The following FLG2 variants were observed in gnomAD, a reference collection of about 807,000 sequenced individuals.
FLG2 encodes the protein filaggrin 2, also known as filaggrin-2.
FLG2 carries 7 observed loss-of-function variants against 3.9 expected under a neutral mutation model. That is an observed-to-expected ratio of 1.79 (90% CI 1.02 to 3.36). FLG2 has a LOEUF of 3.36. Among genes scored for constraint, FLG2 ranks in the 30% most tolerant of loss-of-function variants. FLG2 has a pLI of 0.00. For synonymous variants in FLG2, 1,031 were observed against 1,056.1 expected (o/e 0.98, Z 0.46); for missense variants, 2,700 against 2,809.4 (o/e 0.96, Z 0.88).
intron 1 of FLG2, among the ~76,000 whole-genome samples, 151 bp from the exon 2 acceptor site, chr1:152,359,057 T>A (rs2275264): frequency 6.6e-6 from 1 of 152,014 alleles, no homozygotes; most frequent in Admixed American, 6.6e-5. Context: ...CAACCCCGTT[T>A]AACACAATGA....
chr1:152,350,459 A>T lies in FLG2; in HGVS notation c.*151T>A. The T allele has an allele frequency of 9.9e-7, 1 of 1,011,078 alleles. No homozygotes were observed. The highest frequency in any genetic ancestry group is 1.4e-6 in the Non-Finnish European group (1 of 709,886). The allele number at this position is 1,011,078 out of a possible 1,614,324, so 62.6% of individuals were successfully genotyped here. ...GTTACTATAGAATGTCCATGACTAG[A>T]TTCCTGACTTCTTATAATAATAGGT... On this transcript the variant is annotated 3_prime_UTR_variant, in exon 3 of 3. Transcript: ENST00000388718.
At chr1:152,358,679 G>T (rs1051823197) in intron 2 of FLG2, 68 bp downstream of exon 2, 3 of 1,527,894 alleles carry the variant, frequency 2.0e-6, no homozygotes, top group Non-Finnish European at 2.6e-6. Context: ...CTTTTTAGCT[G>T]ATCTGGGTCA....
intron 2 of FLG2, 139 bp from the exon 3 acceptor site, chr1:152,357,786 T>C: frequency 1.6e-6 from 1 of 635,834 alleles, no homozygotes; most frequent in Non-Finnish European, 2.7e-6. Context: ...TTTAGGTTAA[T>C]AGAACCCAGT....
Position 152,350,611 on chromosome 1 carries a change from C to G in FLG2, c.7175G>C (p.Ter2392SerextTer172), listed in dbSNP as rs150529054. 3.0e-4 allele frequency: 476 copies of G among 1,610,192 alleles called. No homozygotes were observed. In the African/African-American group the frequency reaches 5.5e-3, roughly 19 times the overall value. The stretch of plus-strand genomic sequence containing the variant: ...AAGGTCAGAACTAGAAAATAACTGT[C>G]AATGTCTAGACAGTTGCTTGTTTGC... ...STANKQLSRH[*>S] The change falls in exon 3 of 3, where the codon TGA becomes TCA. Residue 2392 changes from the stop codon to serine (S), a stop_lost. Transcript: ENST00000388718.
In FLG2 at chr1:152,357,016, C is replaced by A; in HGVS notation, c.770G>T (p.Arg257Ile). The change falls in exon 3 of 3, where the codon AGA (arginine) becomes ATA (isoleucine). Residue 257 changes from arginine (R) to isoleucine (I), a missense_variant. By Grantham distance (97) the Arg-to-Ile change is moderately conservative. Coordinates refer to ENST00000388718, the MANE Select transcript of FLG2 (RefSeq NM_001014342.3). ...SGHESNSTQSRIREQKLGSSC... is the reference protein window; with the variant it reads ...SGHESNSTQSIIREQKLGSSC... ...AGACCCAAGCTTTTGTTCTCTAATT[C>A]TTGACTGAGTAGAGTTTGATTCATG... is the stretch of plus-strand genomic sequence containing the variant. 2 of 1,614,226 alleles carry A rather than the reference C, an allele frequency of 1.2e-6. No individual in the cohort carries two copies. Among genetic ancestry groups the A allele is most frequent in the Non-Finnish European group, 1.7e-6 (2 of 1,180,044 alleles).
chr1:152,358,025 CTT>C (rs5777805), intron 2 of FLG2, among the ~76,000 whole-genome samples: 8,438 of 144,500 alleles, frequency 0.058, 785 homozygotes, highest in African/African-American at 0.2. Context: ...ATAACTGAGT[CTT>C]TTTTTTTTTT....
At position 152,357,064 on chromosome 1, in the gene FLG2, G is replaced by C; in HGVS notation, c.722C>G (p.Ser241Ter). Residue 241 changes from serine (S) to a stop codon, truncating the protein, a stop_gained, in exon 3 of 3, where the codon TCA (serine) becomes TGA (stop). Coordinates refer to ENST00000388718, the MANE Select transcript of FLG2 (RefSeq NM_001014342.3). LOFTEE classifies it low-confidence loss of function (END_TRUNC). Reference protein sequence around the residue: ...SWERKGHGGLSCGLETSGHES... With the variant: ...SWERKGHGGL ...ATGCCCACTAGTCTCCAATCCACAT[G>C]ACAGACCACCATGACCTTTCCTTTC... 1 of 1,614,146 alleles carries C rather than the reference G, an allele frequency of 6.2e-7. No homozygotes were observed. The highest frequency in any genetic ancestry group is 8.5e-7 in the Non-Finnish European group (1 of 1,180,022).
rs1226759263 is a variant in FLG2, at chr1:152,356,778, A to T, written c.1008T>A (p.Ser336=). The part of the protein sequence containing the change: ...GHGCVSGGQP[S]GCGQPESNPC... The stretch of plus-strand genomic sequence containing the variant: ...GGTTAGACTCAGGTTGACCACATCC[A>T]GAGGGCTGACCTCCTGAGACACAGC... The change falls in exon 3 of 3, where the codon TCT becomes TCA. Residue 336 remains serine, a synonymous_variant. Coordinates refer to ENST00000388718, the MANE Select transcript of FLG2 (RefSeq NM_001014342.3). 1.2e-6 allele frequency: 2 copies of T among 1,613,956 alleles called. No homozygotes were observed. The highest frequency in any genetic ancestry group is 2.7e-5 in the African/African-American group (2 of 74,926).
In FLG2 at chr1:152,349,068, A is replaced by G. The variant is rs1031752416; in HGVS notation, c.*1542T>C. 6.6e-6 allele frequency: 1 copy of G among 152,166 alleles called. No individual in the cohort carries two copies. The highest frequency in any genetic ancestry group is 2.4e-5 in the African/African-American group (1 of 41,436). 9.4% of individuals were successfully genotyped at this position (152,166 alleles called of 1,614,324 possible). On this transcript the variant is annotated 3_prime_UTR_variant, in exon 3 of 3. Coordinates refer to ENST00000388718, the MANE Select transcript of FLG2 (RefSeq NM_001014342.3). ...TTTTTAAAACCTAATTTTATTCCCA[A>G]CCACACAAATCTCTCTTTATTATAT...
rs372399029 is a variant in FLG2, at chr1:152,356,502, G to T, written c.1284C>A (p.Ser428Arg). ...TCAAGCCTGTTCCATGTTGTTCAAA[G>T]CTAGTAGACTGACTTGAACCAGACC... ...QYGSGSSQST[S>R]FEQHGTGLSQ... is the part of the protein sequence containing the mutation. Residue 428 changes from serine (S) to arginine (R), a missense_variant, in exon 3 of 3, where the codon AGC (serine) becomes AGA (arginine). Physicochemically the swap from Ser to Arg is moderately radical, Grantham distance 110 (BLOSUM62 -1). Transcript: ENST00000388718. The T allele has an allele frequency of 6.2e-6, 10 of 1,614,116 alleles. No homozygotes were observed. Among genetic ancestry groups the T allele is most frequent in the East Asian group, 2.2e-5 (1 of 44,902 alleles).
Position 152,357,113 on chromosome 1 carries a change from A to G in FLG2, c.673T>C (p.Ser225Pro). Residue 225 changes from serine (S) to proline (P), a missense_variant, in exon 3 of 3, where the codon TCT becomes CCT. Ser to Pro is a moderately conservative substitution (Grantham distance 74, BLOSUM62 -1). Coordinates refer to ENST00000388718, the MANE Select transcript of FLG2 (RefSeq NM_001014342.3). Reference protein sequence around the residue: ...PSRESGEEYESGSGSNSWERK... With the variant: ...PSRESGEEYEPGSGSNSWERK... The stretch of plus-strand genomic sequence containing the variant: ...TCCCAACTGTTTGATCCAGATCCAG[A>G]TTCATACTCCTCCCCAGATTCCCTA... The G allele has an allele frequency of 6.2e-7, 1 of 1,614,108 alleles. No homozygotes were observed.
Position 152,354,252 on chromosome 1 carries a change from A to T in FLG2, c.3534T>A (p.Ser1178Arg). Residue 1178 changes from serine (S) to arginine (R), a missense_variant, in exon 3 of 3, where the codon AGT (serine) becomes AGA (arginine). Physicochemically the swap from Ser to Arg is moderately radical, Grantham distance 110 (BLOSUM62 -1). Coordinates refer to ENST00000388718, the MANE Select transcript of FLG2 (RefSeq NM_001014342.3). ...CTGAGCCAGACACATGCTGTCCAAA[A>T]CTTGTGGTTGGACCTGAGCCAGACT... ...QHESGSGPTT[S>R]FGQHVSGSDN... is the part of the protein sequence containing the mutation. 1 of 1,613,944 alleles carries T rather than the reference A, an allele frequency of 6.2e-7. No homozygotes were observed. The highest frequency in any genetic ancestry group is 8.5e-7 in the Non-Finnish European group (1 of 1,179,910).
Position 152,356,645 on chromosome 1 carries a change from C to T in FLG2, c.1141G>A (p.Gly381Arg), listed in dbSNP as rs764358914. ...TGGCTACCTCCAGACCCATATTGTC[C>T]ACAGCAAGAGGACTGACTTGAGCCT... ...RTGSSQSSCC[G>R]QYGSGGSQSC... is the part of the protein sequence containing the mutation. Residue 381 changes from glycine to arginine, a missense_variant, in exon 3 of 3, where the codon GGA becomes AGA. By Grantham distance (125) the Gly-to-Arg change is moderately radical (BLOSUM62 -2). Transcript: ENST00000388718. 3 of 1,614,092 alleles carry T rather than the reference C, an allele frequency of 1.9e-6. No individual in the cohort carries two copies. The Admixed American group carries it at 5.0e-5, about 27-fold the overall frequency.
At position 152,353,111 on chromosome 1, in the gene FLG2, C is replaced by T. The variant is rs267598034; in HGVS notation, c.4675G>A (p.Glu1559Lys). 1 of 1,613,650 alleles carries T rather than the reference C, an allele frequency of 6.2e-7. No individual in the cohort carries two copies. The highest frequency in any genetic ancestry group is 8.5e-7 in the Non-Finnish European group (1 of 1,179,944). Reference sequence around the variant, plus strand: ...CTGGACCCTGTCTGTGTGGTTTGTTCATGACCAGAGTAGGAATGTCTAGTG... The same window carrying T: ...CTGGACCCTGTCTGTGTGGTTTGTTTATGACCAGAGTAGGAATGTCTAGTG... ...DTTRHSYSGH[E>K]QTTQTGSRTT... The change falls in exon 3 of 3, where the codon GAA becomes AAA. Residue 1559 changes from glutamate to lysine, a missense_variant. By Grantham distance (56) the Glu-to-Lys change is moderately conservative. Transcript: ENST00000388718.
chr1:152,351,635 G>A lies in FLG2; in HGVS notation c.6151C>T (p.His2051Tyr), dbSNP rs573208164. ...GVSHTHSGHA[H>Y]GQAGSQHGES... ...CCATGTTGAGATCCGGCTTGGCCAT[G>A]AGCGTGTCCTGAATGTGTGTGTGAG... Residue 2051 changes from histidine (H) to tyrosine (Y), a missense_variant, in exon 3 of 3, where the codon CAT becomes TAT. Transcript: ENST00000388718. The A allele has an allele frequency of 5.6e-6, 9 of 1,603,490 alleles. No homozygotes were observed. The East Asian group carries it at 6.8e-5, about 12-fold the overall frequency.
chr1:152,355,424 A>C lies in FLG2; in HGVS notation c.2362T>G (p.Ser788Ala). ...SQSSGYGQHG[S>A]RQTSGFGQHG... is the part of the protein sequence containing the mutation. ...TGTCCAAAGCCAGATGTCTGTCTAG[A>C]CCCATGTTGGCCATAGCCAGATGAC... is the stretch of plus-strand genomic sequence containing the variant. The change falls in exon 3 of 3, where the codon TCT becomes GCT. Residue 788 changes from serine (S) to alanine (A), a missense_variant. Physicochemically the swap from Ser to Ala is moderately conservative, Grantham distance 99. Coordinates refer to ENST00000388718, the MANE Select transcript of FLG2 (RefSeq NM_001014342.3). 1 of 1,612,886 alleles carries C rather than the reference A, an allele frequency of 6.2e-7. No homozygotes were observed. The highest frequency in any genetic ancestry group is 8.5e-7 in the Non-Finnish European group (1 of 1,179,780).
Position 152,356,929 on chromosome 1 carries a change from C to A in FLG2, c.857G>T (p.Ser286Ile). Residue 286 changes from serine to isoleucine, a missense_variant, in exon 3 of 3, where the codon AGT becomes ATT. By Grantham distance (142) the Ser-to-Ile change is moderately radical (BLOSUM62 -2). Transcript: ENST00000388718. ...AGCATTTTGTGGCCTTCCACACCCACTTGAATTGCTATAACCACATGCATG... is the reference window on the plus strand; with the variant it reads ...AGCATTTTGTGGCCTTCCACACCCAATTGAATTGCTATAACCACATGCATG... ...RSHACGYSNS[S>I]GCGRPQNASS... The A allele has an allele frequency of 1.2e-6, 2 of 1,614,238 alleles. No individual in the cohort carries two copies. Among genetic ancestry groups the A allele is most frequent in the Admixed American group, 1.7e-5 (1 of 60,016 alleles).
chr1:152,356,839 C>A lies in FLG2; in HGVS notation c.947G>T (p.Gly316Val), dbSNP rs147213340. The A allele has an allele frequency of 5.0e-6, 8 of 1,614,208 alleles. No homozygotes were observed. Among genetic ancestry groups the A allele is most frequent in the Non-Finnish European group, 6.8e-6 (8 of 1,180,032 alleles). ...TCCTCCCTTAATTCCTGACTGACAGCCTGACTGAATATAGCTAAATTGATT... is the reference window on the plus strand; with the variant it reads ...TCCTCCCTTAATTCCTGACTGACAGACTGACTGAATATAGCTAAATTGATT... ...QGNQFSYIQS[G>V]CQSGIKGGQG... Residue 316 changes from glycine (G) to valine (V), a missense_variant, in exon 3 of 3, where the codon GGC becomes GTC. Physicochemically the swap from Gly to Val is moderately radical, Grantham distance 109. Coordinates refer to ENST00000388718, the MANE Select transcript of FLG2 (RefSeq NM_001014342.3).
In FLG2 at chr1:152,352,600, C is replaced by T. The variant is rs77156082; in HGVS notation, c.5186G>A (p.Ser1729Asn). The T allele has an allele frequency of 6.2e-7, 1 of 1,614,022 alleles. No homozygotes were observed. Among genetic ancestry groups the T allele is most frequent in the East Asian group, 2.2e-5 (1 of 44,868 alleles). The change falls in exon 3 of 3, where the codon AGT (serine) becomes AAT (asparagine). Residue 1729 changes from serine to asparagine, a missense_variant. Transcript: ENST00000388718. The part of the protein sequence containing the change: ...RTTGRRGSGH[S>N]EYSDSEGYSG... Reference sequence around the variant, plus strand: ...GTACCCTTCACTGTCACTGTACTCACTGTGGCCAGATCCCCTTCTTCCAGT... The same window carrying T: ...GTACCCTTCACTGTCACTGTACTCATTGTGGCCAGATCCCCTTCTTCCAGT...
Sources: gnomAD v4.1 joint callset for allele counts (sites outside exome capture counted in the v4.1 genomes callset) on GRCh38, gnomAD v4.1.1 for gene constraint, MANE v1.5 for transcripts, NCBI Gene and HGNC (gene_info 2026-07-23, HGNC 2026-07-21) for gene names.